CRYBA4: variants seen among roughly 807,000 people sequenced by gnomAD.
The protein encoded by CRYBA4 is beta-crystallin A4.
In CRYBA4, 30 loss-of-function variants were observed where a neutral mutation model predicts 31.7. That is an observed-to-expected ratio of 0.95 (90% CI 0.71 to 1.28). CRYBA4 has a LOEUF of 1.28. CRYBA4 is among the 50% of genes most tolerant of loss of function. The pLI, the probability that CRYBA4 is intolerant of heterozygous loss-of-function variation, is 0.00. For missense variants in CRYBA4, 225 were observed against 260.7 expected (o/e 0.86, Z 0.94); for synonymous variants, 102 against 102.3 (o/e 1.00, Z 0.02).
At chr22:26,615,933 T>C in the CRYBA4 span, among the ~76,000 whole-genome samples, 1 of 150,858 alleles carries the variant, frequency 6.6e-6, no homozygotes, top group Non-Finnish European at 1.5e-5. Flanking sequence ...AAAAAGAGAA[T>C]AGGGACAGAG....
chr22:26,606,900 G>A, the CRYBA4 span, among the ~76,000 whole-genome samples: 6 of 151,868 alleles, frequency 4.0e-5, no homozygotes, highest in East Asian at 1.9e-4. Context: ...TGGAGATATC[G>A]CCACCATTTT....
the CRYBA4 span, among the ~76,000 whole-genome samples, chr22:26,612,889 A>T: frequency 1.3e-5 from 2 of 151,980 alleles, no homozygotes; most frequent in East Asian, 1.9e-4. Flanking sequence ...CCCTTCCTCC[A>T]TCGGCCTTGG....
the CRYBA4 span, among the ~76,000 whole-genome samples, chr22:26,603,945 C>A: frequency 1.3e-4 from 20 of 152,060 alleles, no homozygotes; most frequent in African/African-American, 4.8e-4. Flanking sequence ...AAACAAACAA[C>A]CAGGCCCACC....
chr22:26,592,600 G>A, the CRYBA4 span, among the ~76,000 whole-genome samples: 2 of 152,240 alleles, frequency 1.3e-5, no homozygotes, highest in African/African-American at 4.8e-5. Context: ...TGGTGGAGGT[G>A]AGAGAAGAGA....
the CRYBA4 span, among the ~76,000 whole-genome samples, chr22:26,594,075 C>T: frequency 7.4e-3 from 1,122 of 152,236 alleles, 12 homozygotes; most frequent in African/African-American, 0.026. Flanking sequence ...GGCAGTGGCT[C>T]GGCAGTGGGC....
At chr22:26,621,354 T>C (rs1461374821), upstream of CRYBA4, among the ~76,000 whole-genome samples, 1 of 152,204 alleles carries the variant, frequency 6.6e-6, no homozygotes, top group Admixed American at 6.5e-5. Context: ...CTCTTTCTTG[T>C]ACATGTGCCC....
the CRYBA4 span, chr22:26,601,817 C>T: frequency 1.1e-5 from 17 of 1,608,736 alleles, no homozygotes; most frequent in South Asian, 1.8e-4. Context: ...GTAAGGGGAG[C>T]AGCCTCTGAT....
the CRYBA4 span, among the ~76,000 whole-genome samples, chr22:26,598,606 A>G: frequency 1.3e-5 from 2 of 151,712 alleles, no homozygotes; most frequent in African/African-American, 4.8e-5. Flanking sequence ...CTGGTCTCCA[A>G]CTCCTGACTT....
the CRYBA4 span, among the ~76,000 whole-genome samples, chr22:26,593,803 A>G: frequency 2.6e-5 from 4 of 152,136 alleles, no homozygotes; most frequent in East Asian, 5.8e-4. Context: ...TGGGATTACA[A>G]GTGTGAGCCA....
At chr22:26,593,212 T>C in the CRYBA4 span, among the ~76,000 whole-genome samples, 1 of 152,196 alleles carries the variant, frequency 6.6e-6, no homozygotes, top group Non-Finnish European at 1.5e-5. Context: ...AACCCAGTAC[T>C]TAAGAGGTTT....
At chr22:26,618,572 C>A (rs939367134), upstream of CRYBA4, among the ~76,000 whole-genome samples, 2 of 152,216 alleles carry the variant, frequency 1.3e-5, no homozygotes, top group Non-Finnish European at 1.5e-5. Context: ...GTGTGCCGAA[C>A]CCGTGTTATC....
intron 5 of CRYBA4, among the ~76,000 whole-genome samples, chr22:26,628,964 A>C (rs556078078): frequency 3.2e-4 from 48 of 152,312 alleles, no homozygotes; most frequent in East Asian, 1.4e-3. Flanking sequence ...CCATTGCTAG[A>C]TTCAGCCTCA....
At chr22:26,612,069 C>G in the CRYBA4 span, 1 of 1,608,404 alleles carries the variant, frequency 6.2e-7, no homozygotes, top group Non-Finnish European at 8.5e-7. Context: ...GCCCAGTACT[C>G]ACGGTCCCGC....
chr22:26,623,396 AAGG>A, intron 3 of CRYBA4, 44 bp downstream of exon 3: 1 of 1,491,040 alleles, frequency 6.7e-7, no homozygotes, highest in South Asian at 1.1e-5. Flanking sequence ...GGTGGACAGG[AAGG>A]GACCTAGAGA....
chr22:26,604,027 T>G, the CRYBA4 span, among the ~76,000 whole-genome samples: 3 of 152,244 alleles, frequency 2.0e-5, no homozygotes, highest in African/African-American at 7.2e-5. Flanking sequence ...TGTATCTTGT[T>G]TTTAAAGTTC....
chr22:26,611,464 T>G, the CRYBA4 span, among the ~76,000 whole-genome samples: 45 of 136,626 alleles, frequency 3.3e-4, no homozygotes, highest in Non-Finnish European at 5.7e-4. Context: ...GTTTTTTTTT[T>G]TTTTGTTTTT....
chr22:26,599,453 G>A, the CRYBA4 span: 2 of 1,571,026 alleles, frequency 1.3e-6, no homozygotes, highest in East Asian at 4.5e-5. Context: ...TGAACATGAA[G>A]AAGGGTTGGG....
intron 4 of CRYBA4, among the ~76,000 whole-genome samples, chr22:26,627,426 TTTTC>T (rs1188252944): frequency 1.9e-3 from 143 of 75,308 alleles, no homozygotes; most frequent in Admixed American, 2.4e-3. Context: ...CTTTCTTTCT[TTTTC>T]TTTCTTTCTT....
chr22:26,600,269 G>A, the CRYBA4 span, among the ~76,000 whole-genome samples: 10 of 152,116 alleles, frequency 6.6e-5, no homozygotes, highest in Admixed American at 1.3e-4. Context: ...GGGTGTGGTG[G>A]TGGGCACCTG....
Sources: allele counts gnomAD v4.1 joint callset (sites outside exome capture counted in the v4.1 genomes callset), GRCh38; gene constraint gnomAD v4.1.1; transcripts MANE v1.5; gene names NCBI Gene and HGNC (gene_info 2026-07-23, HGNC 2026-07-21).